EPHA6: variants seen among roughly 807,000 people sequenced by gnomAD.
EPHA6 encodes the protein ephrin type-A receptor 6.
In EPHA6, 50 loss-of-function variants were observed where a neutral mutation model predicts 112.0. The ratio of observed to expected loss-of-function variants is 0.45; its 90% CI spans 0.36 to 0.56. The LOEUF (loss-of-function observed/expected upper bound fraction) is 0.56, where lower values mean the gene tolerates loss of function less well. Among genes scored for constraint, EPHA6 ranks in the 20% least tolerant of loss-of-function variants. EPHA6 has a pLI of 0.00. For synonymous variants in EPHA6, 529 were observed against 490.7 expected (o/e 1.08, Z -1.03); for missense variants, 1,280 against 1,417.4 (o/e 0.90, Z 1.56).
rs574559070 is a variant in EPHA6 at position 96,905,708 on chromosome 3, GT to G, written c.450+38829del. Among the ~76,000 whole-genome samples, 525 of 148,170 alleles carry G rather than the reference GT, an allele frequency of 3.5e-3. 3 individuals carry two copies. The highest frequency in any genetic ancestry group is 0.011 in the African/African-American group (454 of 40,458). On this transcript the variant is annotated intron_variant, in intron 2 of 17. Coordinates refer to ENST00000389672, the MANE Select transcript of EPHA6 (RefSeq NM_001080448.3). ...GGAGACTATTAATTATTCTCATTAG[GT>G]TTTTTTTTTAACTATTTTAGGAATC...
intron 5 of EPHA6, among the ~76,000 whole-genome samples, chr3:97,390,220 G>T (rs2086319694): frequency 6.6e-6 from 1 of 152,054 alleles, no homozygotes; most frequent in African/African-American, 2.4e-5. Context: ...AGAAACAATG[G>T]CAGTGAATTT....
intron 5 of EPHA6, among the ~76,000 whole-genome samples, chr3:97,354,761 T>C (rs2083982775): frequency 6.6e-6 from 1 of 152,102 alleles, no homozygotes; most frequent in Non-Finnish European, 1.5e-5. Flanking sequence ...AAAAAGATTA[T>C]AGAACACCAA....
chr3:97,646,414 C>T (rs2094064055), intron 14 of EPHA6: 1 of 840,614 alleles, frequency 1.2e-6, no homozygotes, highest in African/African-American at 1.7e-5. Context: ...ATGAGATTTA[C>T]ACCTAAATAT....
intron 11 of EPHA6, among the ~76,000 whole-genome samples, chr3:97,588,948 T>A (rs538555203): frequency 5.9e-5 from 9 of 152,316 alleles, no homozygotes; most frequent in South Asian, 2.1e-4. Flanking sequence ...AAATGTTTAA[T>A]GATCCTTAAT....
chr3:97,620,843 C>G (rs2093808060), intron 13 of EPHA6, among the ~76,000 whole-genome samples: 2 of 151,832 alleles, frequency 1.3e-5, no homozygotes, highest in African/African-American at 4.8e-5. Context: ...ATCATTGTAA[C>G]AGACAGTGTG....
intron 4 of EPHA6, among the ~76,000 whole-genome samples, chr3:97,233,959 C>T (rs538408066): frequency 2.6e-5 from 4 of 152,128 alleles, no homozygotes; most frequent in African/African-American, 4.8e-5. Context: ...CTAAGAAGCC[C>T]GGTTCCTTAG....
intron 2 of EPHA6, among the ~76,000 whole-genome samples, chr3:96,924,938 G>T (rs1379032814): frequency 6.6e-6 from 1 of 152,036 alleles, no homozygotes; most frequent in Non-Finnish European, 1.5e-5. Flanking sequence ...TGCAACATAT[G>T]CAAATCACCT....
intron 2 of EPHA6, among the ~76,000 whole-genome samples, chr3:96,921,107 A>G (rs1443814312): frequency 6.6e-6 from 1 of 152,074 alleles, no homozygotes; most frequent in East Asian, 1.9e-4. Flanking sequence ...GCGTATAACT[A>G]TATCTCAAAA....
chr3:97,318,032 T>G (rs1469245250), intron 5 of EPHA6, among the ~76,000 whole-genome samples: 1 of 151,926 alleles, frequency 6.6e-6, no homozygotes, highest in African/African-American at 2.4e-5. Flanking sequence ...GAGTACTAGG[T>G]TTCAGTGTAT....
chr3:97,749,986 ATCT>A lies in EPHA6; in HGVS notation c.*1289_*1291del, dbSNP rs1301370512. 6.6e-6 allele frequency among the ~76,000 whole-genome samples: 1 copy of A among 152,192 alleles called. No homozygotes were observed. Among genetic ancestry groups the A allele is most frequent in the Non-Finnish European group, 1.5e-5 (1 of 68,034 alleles). The stretch of plus-strand genomic sequence containing the variant: ...ATGAGAACACAGCTGTGTTGTCATA[ATCT>A]TCTGAGAGGCTTAAAAAACAAAGGT... On this transcript the variant is annotated 3_prime_UTR_variant, in exon 18 of 18. Coordinates refer to ENST00000389672, the MANE Select transcript of EPHA6 (RefSeq NM_001080448.3).
At chr3:97,474,386 G>T (rs370405971) in intron 7 of EPHA6, among the ~76,000 whole-genome samples, 34 of 151,726 alleles carry the variant, frequency 2.2e-4, no homozygotes, top group African/African-American at 6.8e-4. Flanking sequence ...GATTGATTTG[G>T]TTTTTTATAT....
chr3:97,339,516 G>A (rs1233309628), intron 5 of EPHA6, among the ~76,000 whole-genome samples: 4 of 152,048 alleles, frequency 2.6e-5, no homozygotes, highest in African/African-American at 9.7e-5. Context: ...TTAACAACGT[G>A]GGCTTTGGTG....
chr3:97,438,694 T>C (rs1387188905), intron 6 of EPHA6, among the ~76,000 whole-genome samples: 1 of 152,170 alleles, frequency 6.6e-6, no homozygotes, highest in Non-Finnish European at 1.5e-5. Context: ...AAGATGACCT[T>C]AAGGCATGAG....
At chr3:97,615,140 G>A (rs902050984) in intron 13 of EPHA6, among the ~76,000 whole-genome samples, 2 of 152,138 alleles carry the variant, frequency 1.3e-5, no homozygotes, top group Non-Finnish European at 2.9e-5. Flanking sequence ...ACCCACCCAG[G>A]AGCAACACAG....
chr3:97,747,111 G>C (rs2035749119), intron 16 of EPHA6, among the ~76,000 whole-genome samples: 1 of 151,582 alleles, frequency 6.6e-6, no homozygotes, highest in South Asian at 2.1e-4. Context: ...TAAGAAGAAG[G>C]GGGATAGCAA....
At chr3:97,406,095 T>C (rs980592446) in intron 6 of EPHA6, among the ~76,000 whole-genome samples, 1 of 152,080 alleles carries the variant, frequency 6.6e-6, no homozygotes, top group Non-Finnish European at 1.5e-5. Flanking sequence ...CAGTGGTATA[T>C]TACAATGAGA....
At chr3:97,505,924 C>T (rs938452198) in intron 10 of EPHA6, among the ~76,000 whole-genome samples, 4 of 152,208 alleles carry the variant, frequency 2.6e-5, no homozygotes, top group Admixed American at 2.6e-4. Flanking sequence ...ATTTGCATTT[C>T]TCTGATGGCC....
intron 15 of EPHA6, among the ~76,000 whole-genome samples, chr3:97,724,795 C>T (rs527264465): frequency 6.6e-6 from 1 of 151,936 alleles, no homozygotes; most frequent in Non-Finnish European, 1.5e-5. Flanking sequence ...GCAGTTTTCA[C>T]TCTCAAAGAA....
At chr3:97,511,041 C>A (rs956361883) in intron 10 of EPHA6, among the ~76,000 whole-genome samples, 1 of 152,174 alleles carries the variant, frequency 6.6e-6, no homozygotes, top group Non-Finnish European at 1.5e-5. Context: ...CCCTCCCCCC[C>A]ACCAAGCTGG....
Sources: allele counts gnomAD v4.1 joint callset (sites outside exome capture counted in the v4.1 genomes callset), GRCh38; gene constraint gnomAD v4.1.1; transcripts MANE v1.5; gene names NCBI Gene and HGNC (gene_info 2026-07-23, HGNC 2026-07-21).